The following DENND1A variants were observed in gnomAD, a reference collection of about 807,000 sequenced individuals.
DENND1A encodes DENN domain-containing protein 1A.
DENND1A carries 51 observed loss-of-function variants against 113.7 expected under a neutral mutation model. That is an observed-to-expected ratio of 0.45 (90% CI 0.36 to 0.57). The LOEUF (loss-of-function observed/expected upper bound fraction) is 0.57. DENND1A is among the 20% of genes least tolerant of loss of function. DENND1A has a pLI of 0.00. For synonymous variants in DENND1A, 565 were observed against 570.8 expected (o/e 0.99, Z 0.14); for missense variants, 1,258 against 1,395.9 (o/e 0.90, Z 1.57).
intron 5 of DENND1A, among the ~76,000 whole-genome samples, chr9:123,736,896 A>G (rs1351654054): frequency 2.6e-5 from 4 of 152,216 alleles, no homozygotes; most frequent in African/African-American, 9.6e-5. Context: ...TCCAGGTCCT[A>G]AAACTACTCA....
At chr9:123,841,054 A>G (rs1486549213) in intron 2 of DENND1A, among the ~76,000 whole-genome samples, 1 of 152,190 alleles carries the variant, frequency 6.6e-6, no homozygotes, top group Admixed American at 6.5e-5. Context: ...CTTTACTTAA[A>G]TATATACGAG....
chr9:123,481,534 G>A (rs2050335722), intron 13 of DENND1A, among the ~76,000 whole-genome samples: 1 of 152,196 alleles, frequency 6.6e-6, no homozygotes, highest in South Asian at 2.1e-4. Context: ...AGGAAACTGA[G>A]GTTCTGAGAG....
intron 5 of DENND1A, among the ~76,000 whole-genome samples, chr9:123,692,108 A>G (rs1309946252): frequency 1.3e-5 from 2 of 152,204 alleles, no homozygotes; most frequent in Non-Finnish European, 2.9e-5. Context: ...CTCCAAGGCT[A>G]CTTTCCTCTG....
At chr9:123,886,906 G>A (rs987534067) in intron 1 of DENND1A, among the ~76,000 whole-genome samples, 2 of 152,092 alleles carry the variant, frequency 1.3e-5, no homozygotes, top group African/African-American at 2.4e-5. Context: ...ATGAAGATAC[G>A]CAGATATTGC....
chr9:123,380,612 C>T lies in DENND1A; in HGVS notation c.*820G>A, dbSNP rs961035392. 1 of 152,458 alleles carries T rather than the reference C, an allele frequency of 6.6e-6. No homozygotes were observed. The highest frequency in any genetic ancestry group is 1.5e-5 in the Non-Finnish European group (1 of 68,050). The allele number at this position is 152,458 out of a possible 1,614,324, so 9.4% of individuals were successfully genotyped here. A position where few individuals can be genotyped will look rare whatever the true frequency, so the allele number is the denominator to read the frequency against. ...AAGCTCCAGATGACAAGAGGCTGAG[C>T]CCCAGCTTTGACAGTGAGGGGAGTA... On this transcript the variant is annotated 3_prime_UTR_variant, in exon 24 of 24. Coordinates refer to ENST00000394215, the MANE Select transcript of DENND1A (RefSeq NM_001352964.2).
chr9:123,499,866 G>A (rs965888528), intron 13 of DENND1A, among the ~76,000 whole-genome samples: 19 of 152,134 alleles, frequency 1.2e-4, no homozygotes, highest in African/African-American at 2.7e-4. Flanking sequence ...CTGTCTATGC[G>A]CACCTGGCAA....
At chr9:123,590,029 C>G (rs57577718) in intron 11 of DENND1A, among the ~76,000 whole-genome samples, 2,067 of 152,300 alleles carry the variant, frequency 0.014, 57 homozygotes, top group African/African-American at 0.048. Context: ...CTTTGATAAG[C>G]TAATGTATGT....
intron 10 of DENND1A, among the ~76,000 whole-genome samples, chr9:123,626,553 T>C (rs536336856): frequency 6.6e-6 from 1 of 152,212 alleles, no homozygotes; most frequent in Admixed American, 6.5e-5. Flanking sequence ...TGTCCTCCCC[T>C]CTAGTTCCCC....
chr9:123,799,842 G>A (rs1834344273), intron 2 of DENND1A, among the ~76,000 whole-genome samples: 1 of 152,186 alleles, frequency 6.6e-6, no homozygotes, highest in African/African-American at 2.4e-5. Flanking sequence ...ACAAGCCTTT[G>A]AATGCTACAG....
At chr9:123,609,119 T>C (rs1006832148) in intron 11 of DENND1A, among the ~76,000 whole-genome samples, 1 of 152,202 alleles carries the variant, frequency 6.6e-6, no homozygotes, top group Non-Finnish European at 1.5e-5. Context: ...CTATAGCGAT[T>C]AGAACAAACA....
At chr9:123,908,517 C>A (rs1428388019) in intron 1 of DENND1A, among the ~76,000 whole-genome samples, 2 of 143,398 alleles carry the variant, frequency 1.4e-5, no homozygotes, top group Non-Finnish European at 1.5e-5. Context: ...AACAAACAAC[C>A]CCATCAAAAA....
intron 18 of DENND1A, 94 bp from the exon 19 acceptor site, chr9:123,440,585 C>T: frequency 1.4e-6 from 2 of 1,419,180 alleles, no homozygotes; most frequent in Non-Finnish European, 1.8e-6. Context: ...AGGCGACTCT[C>T]TCCGTGACAT....
In DENND1A at chr9:123,495,120, T is replaced by TCTCTCTC. The variant is rs2051752178; in HGVS notation, c.994-37224_994-37223insGAGAGAG. Among the ~76,000 whole-genome samples, 2 of 146,258 alleles carry TCTCTCTC rather than the reference T, an allele frequency of 1.4e-5. 1 individual carries two copies. The highest frequency in any genetic ancestry group is 4.6e-4 in the South Asian group (2 of 4,346). On this transcript the variant is annotated intron_variant, in intron 13 of 23. Transcript: ENST00000394215. ...TGTACTTCTCTTGTATGTCTATCTA[T>TCTCTCTC]TATGACCCATCATTGTCTCTTTCTC... is the stretch of plus-strand genomic sequence containing the variant.
At chr9:123,737,086 C>T (rs550138473) in intron 5 of DENND1A, among the ~76,000 whole-genome samples, 31 of 152,218 alleles carry the variant, frequency 2.0e-4, no homozygotes, top group African/African-American at 7.2e-4. Flanking sequence ...GTTAATCCTG[C>T]CTGGGTTAAA....
At chr9:123,501,365 C>T (rs2052467392) in intron 13 of DENND1A, among the ~76,000 whole-genome samples, 2 of 152,134 alleles carry the variant, frequency 1.3e-5, no homozygotes, top group African/African-American at 4.8e-5. Context: ...GGGTTGCTTC[C>T]ACATTTTAGC....
chr9:123,908,541 A>G (rs1241392244), intron 1 of DENND1A, among the ~76,000 whole-genome samples: 4 of 146,836 alleles, frequency 2.7e-5, no homozygotes, highest in African/African-American at 1.0e-4. Flanking sequence ...GGCGAAGGAC[A>G]TGAACAGACA....
intron 6 of DENND1A, among the ~76,000 whole-genome samples, chr9:123,674,338 TCTCTCA>T (rs1306037952): frequency 3.3e-4 from 42 of 126,178 alleles, no homozygotes; most frequent in African/African-American, 8.8e-4. Flanking sequence ...TCTCTGTCTC[TCTCTCA>T]CACACACACA....
chr9:123,448,971 A>C (rs748316601), intron 18 of DENND1A, among the ~76,000 whole-genome samples: 1 of 152,238 alleles, frequency 6.6e-6, no homozygotes, highest in Non-Finnish European at 1.5e-5. Context: ...ATAATGAAGT[A>C]GGTGATCCCA....
chr9:123,515,091 G>C (rs2564359), intron 13 of DENND1A, among the ~76,000 whole-genome samples: 86,805 of 152,086 alleles, frequency 0.57, 27,205 homozygotes, highest in East Asian at 0.71. Flanking sequence ...CAAAAAGCAA[G>C]AGAGACTATC....
Sources: gnomAD v4.1 joint callset for allele counts (sites outside exome capture counted in the v4.1 genomes callset) on GRCh38, gnomAD v4.1.1 for gene constraint, MANE v1.5 for transcripts, NCBI Gene and HGNC (gene_info 2026-07-23, HGNC 2026-07-21) for gene names.